NFYC: variants seen among roughly 807,000 people sequenced by gnomAD.
NFYC encodes the protein CAAT box DNA-binding protein subunit C.
A neutral mutation model predicts 53.1 loss-of-function variants in NFYC; 25 were observed. The observed-to-expected ratio is 0.47, with a 90% CI of 0.34 to 0.66. The LOEUF is 0.66. Ranked by LOEUF, NFYC falls within the 30% of genes least tolerant of loss-of-function variation. The probability of loss-of-function intolerance (pLI) is 0.01; values close to 1 mark genes in which losing one functional copy is unlikely to be tolerated. For missense variants in NFYC, 260 were observed against 422.7 expected, an observed-to-expected ratio of 0.62 and a Z score of 3.38; for synonymous variants, 145 against 152.6, an observed-to-expected ratio of 0.95 and a Z score of 0.37.
intron 2 of NFYC, among the ~76,000 whole-genome samples, chr1:40,740,736 G>C (rs969937319): frequency 2.0e-5 from 3 of 152,214 alleles, no homozygotes; most frequent in Admixed American, 2.0e-4. Context: ...AAGCTTATCA[G>C]CTTTTGGTGC....
chr1:40,701,744 T>A (rs1191394340), intron 1 of NFYC, among the ~76,000 whole-genome samples: 2 of 152,184 alleles, frequency 1.3e-5, no homozygotes, highest in African/African-American at 4.8e-5. Context: ...TTGTTTAGAA[T>A]CCCCAGAGCT....
At chr1:40,731,084 G>T (rs1346726341) in intron 1 of NFYC, among the ~76,000 whole-genome samples, 4 of 152,152 alleles carry the variant, frequency 2.6e-5, no homozygotes, top group African/African-American at 9.7e-5. Context: ...CTGTGATTGA[G>T]TTGTCCAGGC....
intron 1 of NFYC, chr1:40,709,438 G>A (rs1026788213): frequency 6.6e-6 from 1 of 152,256 alleles, no homozygotes; most frequent in African/African-American, 2.4e-5. Context: ...ATAGTTTGTT[G>A]GGGGGTGGGA....
At position 40,747,527 on chromosome 1, in the gene NFYC, A is replaced by G; in HGVS notation, c.106-7A>G. 6.2e-7 allele frequency: 1 copy of G among 1,609,006 alleles called. No homozygotes were observed. The highest frequency in any genetic ancestry group is 8.5e-7 in the Non-Finnish European group (1 of 1,175,600). On this transcript the variant is annotated splice_region_variant and splice_polypyrimidine_tract_variant and intron_variant, in intron 2 of 9. Transcript: ENST00000447388. ...ACCATTTATGCATCTCTTGTTGTTC[A>G]TTTCAGAAAGACTTCCGAGTGCAGG...
intron 5 of NFYC, among the ~76,000 whole-genome samples, chr1:40,753,790 A>G (rs1014194211): frequency 6.6e-6 from 1 of 152,216 alleles, no homozygotes; most frequent in Non-Finnish European, 1.5e-5. Flanking sequence ...CCCAGGCATC[A>G]GTACCTTTTA....
intron 2 of NFYC, among the ~76,000 whole-genome samples, chr1:40,741,600 CTT>C (rs889135776): frequency 6.9e-6 from 1 of 144,010 alleles, no homozygotes; most frequent in African/African-American, 2.5e-5. Flanking sequence ...TATCTTTTTT[CTT>C]TTTTTTTTTT....
At chr1:40,722,710 A>G (rs1234244093) in intron 1 of NFYC, among the ~76,000 whole-genome samples, 1 of 152,198 alleles carries the variant, frequency 6.6e-6, no homozygotes, top group South Asian at 2.1e-4. Flanking sequence ...ATGAATAGAG[A>G]AGTTTCTAAG....
At chr1:40,728,799 A>C (rs1220939964) in intron 1 of NFYC, among the ~76,000 whole-genome samples, 1 of 151,566 alleles carries the variant, frequency 6.6e-6, no homozygotes, top group East Asian at 2.0e-4. Flanking sequence ...CACCACGCCG[A>C]GCTAATTTTT....
intron 1 of NFYC, among the ~76,000 whole-genome samples, chr1:40,734,140 G>A (rs1312001409): frequency 2.0e-5 from 3 of 151,946 alleles, no homozygotes; most frequent in African/African-American, 4.8e-5. Flanking sequence ...CTCAGCCTCC[G>A]GAGTTGTTGG....
chr1:40,719,144 C>T (rs546140511), intron 1 of NFYC, among the ~76,000 whole-genome samples: 1 of 152,382 alleles, frequency 6.6e-6, no homozygotes, highest in East Asian at 1.9e-4. Flanking sequence ...GCTGGGATTA[C>T]AGGCGTGAGC....
intron 1 of NFYC, among the ~76,000 whole-genome samples, chr1:40,724,247 A>G (rs1405437596): frequency 6.6e-6 from 1 of 152,110 alleles, no homozygotes; most frequent in Non-Finnish European, 1.5e-5. Context: ...GGGTGCCTAT[A>G]ATCCCAGCTG....
intron 1 of NFYC, among the ~76,000 whole-genome samples, chr1:40,698,131 G>A (rs937887193): frequency 6.6e-6 from 1 of 152,158 alleles, no homozygotes. Context: ...GGGAGGACGA[G>A]GCTGGCAGAT....
At chr1:40,735,983 A>C (rs1368157536) in intron 1 of NFYC, among the ~76,000 whole-genome samples, 1 of 152,184 alleles carries the variant, frequency 6.6e-6, no homozygotes, top group African/African-American at 2.4e-5. Context: ...TGTGGTGATA[A>C]ATGAAAATGC....
At chr1:40,767,835 G>T (rs1224644216) in intron 8 of NFYC, among the ~76,000 whole-genome samples, 1 of 152,122 alleles carries the variant, frequency 6.6e-6, no homozygotes, top group East Asian at 1.9e-4. Flanking sequence ...AATTAGCTGG[G>T]CGTGGTGGTG....
chr1:40,759,410 C>T (rs1173166906), intron 6 of NFYC, among the ~76,000 whole-genome samples: 1 of 151,942 alleles, frequency 6.6e-6, no homozygotes, highest in Non-Finnish European at 1.5e-5. Flanking sequence ...GTGGCATGCT[C>T]TTATGGCCCC....
chr1:40,738,124 G>A (rs559233924), intron 1 of NFYC, among the ~76,000 whole-genome samples: 3 of 151,898 alleles, frequency 2.0e-5, no homozygotes, highest in South Asian at 4.2e-4. Flanking sequence ...GGATGGTCTC[G>A]ATCTCCTGAC....
rs1256115570 is a variant in NFYC at position 40,691,767 on chromosome 1, G to T, written c.-109G>T. On this transcript the variant is annotated 5_prime_UTR_variant, in exon 1 of 10. Coordinates refer to ENST00000447388, the MANE Select transcript of NFYC (RefSeq NM_014223.5). Reference sequence around the variant, plus strand: ...TCGCGCGCGCTCCGTTCTCCGTGACGCACACTTCCCCCTCCCCTCCGCCGC... The same window carrying T: ...TCGCGCGCGCTCCGTTCTCCGTGACTCACACTTCCCCCTCCCCTCCGCCGC... 3.3e-5 allele frequency: 15 copies of T among 454,846 alleles called. No homozygotes were observed. In the East Asian group the frequency reaches 1.1e-3, roughly 32 times the overall value. 28.2% of individuals were successfully genotyped at this position (454,846 alleles called of 1,614,324 possible).
chr1:40,760,058 C>T (rs959881474), intron 6 of NFYC, among the ~76,000 whole-genome samples: 2 of 152,250 alleles, frequency 1.3e-5, no homozygotes, highest in Non-Finnish European at 2.9e-5. Flanking sequence ...TGGGCTCAAG[C>T]AGTCCTTCTG....
At chr1:40,757,218 T>G (rs1646274174) in intron 5 of NFYC, 1 of 389,908 alleles carries the variant, frequency 2.6e-6, no homozygotes, top group Non-Finnish European at 5.8e-6. Flanking sequence ...CACAGGTCAC[T>G]CCGGATCAGA....
Sources: allele counts gnomAD v4.1 joint callset (sites outside exome capture counted in the v4.1 genomes callset), GRCh38; gene constraint gnomAD v4.1.1; transcripts MANE v1.5; gene names NCBI Gene and HGNC (gene_info 2026-07-23, HGNC 2026-07-21).